The following CCDC149 variants were observed in gnomAD, a reference collection of about 807,000 sequenced individuals.
CCDC149 encodes the protein coiled-coil domain containing 149, also known as coiled-coil domain-containing protein 149.
A neutral mutation model predicts 59.9 loss-of-function variants in CCDC149; 45 were observed. The observed-to-expected ratio is 0.75, with a 90% CI of 0.59 to 0.96. The LOEUF is 0.96. Ranked by LOEUF, CCDC149 falls within the 40% of genes least tolerant of loss-of-function variation. The pLI, the probability that CCDC149 is intolerant of heterozygous loss-of-function variation, is 0.00. For synonymous variants in CCDC149, 245 were observed against 260.6 expected (o/e 0.94, Z 0.58); for missense variants, 584 against 664.7 (o/e 0.88, Z 1.33).
chr4:24,952,534 T>C (rs999834021), intron 1 of CCDC149, among the ~76,000 whole-genome samples: 13 of 135,052 alleles, frequency 9.6e-5, no homozygotes, highest in Non-Finnish European at 1.5e-4. Context: ...GGGCAGAGGT[T>C]GCAGTGAGCC....
intron 8 of CCDC149, among the ~76,000 whole-genome samples, chr4:24,832,458 G>A (rs1445634008): frequency 6.6e-6 from 1 of 152,096 alleles, no homozygotes; most frequent in Non-Finnish European, 1.5e-5. Context: ...TCCCATTCAC[G>A]GCCAAGTTCA....
chr4:24,843,486 T>C (rs1434643408), intron 4 of CCDC149, among the ~76,000 whole-genome samples: 3 of 152,148 alleles, frequency 2.0e-5, no homozygotes, highest in South Asian at 4.1e-4. Flanking sequence ...CTTTTGCAAA[T>C]ACCTTCAAAA....
At chr4:24,967,596 G>A (rs1212020609) in intron 1 of CCDC149, among the ~76,000 whole-genome samples, 4 of 151,094 alleles carry the variant, frequency 2.6e-5, no homozygotes, top group African/African-American at 4.9e-5. Context: ...GATGGGCAAC[G>A]ATGGACTTCT....
intron 1 of CCDC149, among the ~76,000 whole-genome samples, chr4:24,938,515 CCG>C (rs1722848037): frequency 1.3e-5 from 2 of 152,186 alleles, no homozygotes; most frequent in African/African-American, 4.8e-5. Context: ...AACTGAGGTA[CCG>C]GGTTCATCTC....
chr4:24,862,038 A>G (rs529523671), intron 3 of CCDC149, among the ~76,000 whole-genome samples: 6 of 152,048 alleles, frequency 3.9e-5, no homozygotes, highest in Non-Finnish European at 7.4e-5. Flanking sequence ...GAAGAGAGAG[A>G]CTCCTATCAC....
At chr4:24,952,613 AAAAAAAAAAAAAAATATATAT>A (rs1560267756) in intron 1 of CCDC149, among the ~76,000 whole-genome samples, 1 of 37,716 alleles carries the variant, frequency 2.7e-5, no homozygotes, top group African/African-American at 1.1e-4. Context: ...AAAAAAAAAA[AAAAAAAAAAAAAAATATATAT>A]ATATATATAT....
intron 1 of CCDC149, among the ~76,000 whole-genome samples, chr4:24,945,493 G>A (rs1036470838): frequency 1.5e-4 from 23 of 152,132 alleles, no homozygotes; most frequent in African/African-American, 3.4e-4. Flanking sequence ...AGGAGTCCCC[G>A]TCAGAGCCTT....
intron 1 of CCDC149, among the ~76,000 whole-genome samples, chr4:24,922,925 T>C (rs1722337824): frequency 6.6e-6 from 1 of 152,200 alleles, no homozygotes; most frequent in African/African-American, 2.4e-5. Context: ...TTTCTTTTTT[T>C]TTTATTGATT....
intron 12 of CCDC149, among the ~76,000 whole-genome samples, chr4:24,812,425 C>T (rs1050248290): frequency 6.6e-6 from 1 of 152,212 alleles, no homozygotes; most frequent in Admixed American, 6.5e-5. Context: ...ATCGATGGCT[C>T]TGCTCGCTTC....
downstream of CCDC149, among the ~76,000 whole-genome samples, chr4:24,804,178 G>C (rs1302065313): frequency 6.6e-6 from 1 of 152,076 alleles, no homozygotes; most frequent in Non-Finnish European, 1.5e-5. Context: ...AGAGGAAGAA[G>C]GTACTCTCTT....
intron 1 of CCDC149, among the ~76,000 whole-genome samples, chr4:24,961,410 AT>A (rs976878596): frequency 3.9e-5 from 6 of 152,246 alleles, no homozygotes; most frequent in African/African-American, 1.4e-4. Context: ...ATTCAATGCC[AT>A]CCCCATCAAG....
At chr4:24,848,567 C>CAAATAAATAAATAAATAAAT (rs565762293) in intron 4 of CCDC149, among the ~76,000 whole-genome samples, 1 of 150,300 alleles carries the variant, frequency 6.7e-6, no homozygotes, top group African/African-American at 2.5e-5. Flanking sequence ...GACTCCATCT[C>CAAATAAATAAATAAATAAAT]AAATAAATAA....
chr4:24,833,555 C>T (rs1025592742), intron 8 of CCDC149, among the ~76,000 whole-genome samples: 3 of 152,034 alleles, frequency 2.0e-5, no homozygotes, highest in African/African-American at 7.2e-5. Flanking sequence ...ATCTGGGAGG[C>T]AGGGGTTGCA....
intron 12 of CCDC149, 78 bp downstream of exon 12, chr4:24,819,781 A>C: frequency 6.0e-5 from 59 of 982,668 alleles, no homozygotes; most frequent in Non-Finnish European, 7.5e-5. Flanking sequence ...GGGAAGGGGA[A>C]GAGACCGATG....
At chr4:24,824,326 C>T (rs1266719771) in intron 9 of CCDC149, among the ~76,000 whole-genome samples, 1 of 152,168 alleles carries the variant, frequency 6.6e-6, no homozygotes, top group African/African-American at 2.4e-5. Flanking sequence ...GCATCTGATG[C>T]AGGGCTGGAG....
chr4:24,970,821 T>C (rs1317934181), intron 1 of CCDC149, among the ~76,000 whole-genome samples: 1 of 152,098 alleles, frequency 6.6e-6, no homozygotes, highest in Non-Finnish European at 1.5e-5. Flanking sequence ...TCTTGGGTTT[T>C]GTGAGTGCAA....
intron 1 of CCDC149, among the ~76,000 whole-genome samples, chr4:24,938,163 C>A (rs1722837369): frequency 6.6e-6 from 1 of 152,034 alleles, no homozygotes. Flanking sequence ...TCAGCCAGAC[C>A]CTAAGAATGA....
intron 1 of CCDC149, among the ~76,000 whole-genome samples, chr4:24,919,298 T>C (rs540985189): frequency 4.7e-4 from 72 of 152,280 alleles, no homozygotes; most frequent in African/African-American, 1.6e-3. Context: ...TTGGAGTAGA[T>C]AGCCATGTTC....
chr4:24,876,604 A>G lies in CCDC149; in HGVS notation c.157T>C (p.Tyr53His), dbSNP rs1207208748. 1 of 1,614,140 alleles carries G rather than the reference A, an allele frequency of 6.2e-7. No individual in the cohort carries two copies. Among genetic ancestry groups the G allele is most frequent in the Admixed American group, 1.7e-5 (1 of 60,024 alleles). The change falls in exon 2 of 13, where the codon TAC (tyrosine) becomes CAC (histidine). Residue 53 changes from tyrosine (Y) to histidine (H), a missense_variant. Transcript: ENST00000635206. ...CGGAGCTGATTGGCCATGAGTTTGT[A>G]CTGGTCCCTTTCCTGTTGACAGGTG...
Sources: allele counts gnomAD v4.1 joint callset (sites outside exome capture counted in the v4.1 genomes callset), GRCh38; gene constraint gnomAD v4.1.1; transcripts MANE v1.5; gene names NCBI Gene and HGNC (gene_info 2026-07-23, HGNC 2026-07-21).